FERD3L: variants seen among roughly 807,000 people sequenced by gnomAD.
FERD3L encodes fer3-like protein.
In FERD3L, 7 loss-of-function variants were observed where a neutral mutation model predicts 7.5. The ratio of observed to expected loss-of-function variants is 0.94; its 90% CI spans 0.53 to 1.76. FERD3L has a LOEUF of 1.76. FERD3L is among the 40% of genes most tolerant of loss of function. FERD3L has a pLI of 0.00. For synonymous variants in FERD3L, 122 were observed against 94.4 expected (o/e 1.29, Z -1.70); for missense variants, 264 against 220.9 (o/e 1.20, Z -1.24).
In FERD3L at chr7:19,144,815, C is replaced by T. The variant is rs1788952851; in HGVS notation, c.*47G>A. The T allele has an allele frequency of 6.3e-7, 1 of 1,590,654 alleles. No homozygotes were observed. The highest frequency in any genetic ancestry group is 8.6e-7 in the Non-Finnish European group (1 of 1,165,724). ...CCTCACCCAGTGCCCGGTCCTGACA[C>T]ACCCCAGCACTACCAGACGAGGAAG... On this transcript the variant is annotated 3_prime_UTR_variant, in exon 1 of 1. Coordinates refer to ENST00000275461, the MANE Select transcript of FERD3L (RefSeq NM_152898.2).
rs1476584379 is a variant in FERD3L, at chr7:19,145,282, G to A, written c.81C>T (p.Arg27=). ...VADLSLASPR[R]PLLCDFAPGV... ...CGGGTGCGAAGTCGCAGAGGAGAGG[G>A]CGTCTCGGGGAGGCCAGGGACAGGT... Residue 27 remains arginine, a synonymous_variant, in exon 1 of 1, where the codon CGC becomes CGT. Transcript: ENST00000275461. 1.2e-6 allele frequency: 2 copies of A among 1,613,356 alleles called. No individual in the cohort carries two copies. Among genetic ancestry groups the A allele is most frequent in the East Asian group, 2.2e-5 (1 of 44,856 alleles).
In FERD3L at chr7:19,145,231, A is replaced by C. The variant is rs1248947956; in HGVS notation, c.132T>G (p.Leu44=). 2 of 1,613,794 alleles carry C rather than the reference A, an allele frequency of 1.2e-6. No homozygotes were observed. The highest frequency in any genetic ancestry group is 2.2e-5 in the East Asian group (1 of 44,834). The part of the protein sequence containing the change: ...APGVSLGDPA[L]ALREGRPRRM... ...TCCTGGGTCTTCCCTCTCGGAGCGCAAGGGCTGGGTCCCCCAAGGAGACCC... is the reference window on the plus strand; with the variant it reads ...TCCTGGGTCTTCCCTCTCGGAGCGCCAGGGCTGGGTCCCCCAAGGAGACCC... The change falls in exon 1 of 1, where the codon CTT becomes CTG. Residue 44 remains leucine, a synonymous_variant. Coordinates refer to ENST00000275461, the MANE Select transcript of FERD3L (RefSeq NM_152898.2).
In FERD3L at chr7:19,144,895, G is replaced by C. The variant is rs772824574; in HGVS notation, c.468C>G (p.Leu156=). The C allele has an allele frequency of 6.2e-6, 10 of 1,614,124 alleles. No homozygotes were observed. The East Asian group carries it at 6.7e-5, about 11-fold the overall frequency. The change falls in exon 1 of 1, where the codon CTC becomes CTG. Residue 156 remains leucine, a synonymous_variant. Transcript: ENST00000275461. The part of the protein sequence containing the change: ...AIVYISFMTE[L]LESCEKKESG Reference sequence around the variant, plus strand: ...TTTCCTTCTTCTCACAGCTCTCCAAGAGCTCGGTCATGAAGGAGATATAGA... The same window carrying C: ...TTTCCTTCTTCTCACAGCTCTCCAACAGCTCGGTCATGAAGGAGATATAGA...
chr7:19,145,006 C>T lies in FERD3L; in HGVS notation c.357G>A (p.Glu119=), dbSNP rs1402232649. The change falls in exon 1 of 1, where the codon GAG becomes GAA. Residue 119 remains glutamate, a synonymous_variant. Coordinates refer to ENST00000275461, the MANE Select transcript of FERD3L (RefSeq NM_152898.2). ...CCTTCCTCCGCAGCTGGTCAAAGGC[C>T]TCGTTGAGGTTGAACATCCGCTTCC... ...RERKRMFNLN[E]AFDQLRRKVP... is the part of the protein sequence containing the mutation. 6.2e-7 allele frequency: 1 copy of T among 1,614,202 alleles called. No individual in the cohort carries two copies. Among genetic ancestry groups the T allele is most frequent in the South Asian group, 1.1e-5 (1 of 91,078 alleles).
chr7:19,144,787 T>C lies in FERD3L; in HGVS notation c.*75A>G. 6.4e-7 allele frequency: 1 copy of C among 1,552,648 alleles called. No homozygotes were observed. Among genetic ancestry groups the C allele is most frequent in the East Asian group, 2.3e-5 (1 of 44,180 alleles). On this transcript the variant is annotated 3_prime_UTR_variant, in exon 1 of 1. Coordinates refer to ENST00000275461, the MANE Select transcript of FERD3L (RefSeq NM_152898.2). ...TCTTGGGGCCTCCCTCCCGGCCCTT[T>C]AGCCTCACCCAGTGCCCGGTCCTGA...
rs746730187 is a variant in FERD3L at position 19,145,378 on chromosome 7, C to T, written c.-16G>A. The T allele has an allele frequency of 1.3e-6, 2 of 1,565,118 alleles. No homozygotes were observed. ...AGGCCGCCATCGCTTCGGCTTGGCCCTGCCTCTCATCGGTTTTCCGCAGGG... is the reference window on the plus strand; with the variant it reads ...AGGCCGCCATCGCTTCGGCTTGGCCTTGCCTCTCATCGGTTTTCCGCAGGG... On this transcript the variant is annotated 5_prime_UTR_variant, in exon 1 of 1. Coordinates refer to ENST00000275461, the MANE Select transcript of FERD3L (RefSeq NM_152898.2).
rs779493637 is a variant in FERD3L, at chr7:19,145,363, C to T, written c.-1G>A. The T allele has an allele frequency of 6.3e-7, 1 of 1,576,686 alleles. No individual in the cohort carries two copies. The highest frequency in any genetic ancestry group is 8.6e-7 in the Non-Finnish European group (1 of 1,157,690). On this transcript the variant is annotated 5_prime_UTR_variant, in exon 1 of 1. Transcript: ENST00000275461. ...CGCAGCTCTCCGGATAGGCCGCCAT[C>T]GCTTCGGCTTGGCCCTGCCTCTCAT... is the stretch of plus-strand genomic sequence containing the variant.
Position 19,145,228 on chromosome 7 carries a change from C to G in FERD3L, c.135G>C (p.Ala45=). 6.2e-7 allele frequency: 1 copy of G among 1,614,106 alleles called. No homozygotes were observed. The highest frequency in any genetic ancestry group is 1.1e-5 in the South Asian group (1 of 91,084). The stretch of plus-strand genomic sequence containing the variant: ...TCCTCCTGGGTCTTCCCTCTCGGAG[C>G]GCAAGGGCTGGGTCCCCCAAGGAGA... ...PGVSLGDPAL[A]LREGRPRRMA... Residue 45 remains alanine, a synonymous_variant, in exon 1 of 1, where the codon GCG becomes GCC. Coordinates refer to ENST00000275461, the MANE Select transcript of FERD3L (RefSeq NM_152898.2).
Position 19,145,374 on chromosome 7 carries a change from G to A in FERD3L, c.-12C>T. The A allele has an allele frequency of 6.4e-7, 1 of 1,567,310 alleles. No individual in the cohort carries two copies. Among genetic ancestry groups the A allele is most frequent in the Non-Finnish European group, 8.7e-7 (1 of 1,153,994 alleles). On this transcript the variant is annotated 5_prime_UTR_variant, in exon 1 of 1. Transcript: ENST00000275461. Reference sequence around the variant, plus strand: ...GGATAGGCCGCCATCGCTTCGGCTTGGCCCTGCCTCTCATCGGTTTTCCGC... The same window carrying A: ...GGATAGGCCGCCATCGCTTCGGCTTAGCCCTGCCTCTCATCGGTTTTCCGC...
rs768911386 is a variant in FERD3L, at chr7:19,145,408, G to A, written c.-46C>T. 6.5e-7 allele frequency: 1 copy of A among 1,531,434 alleles called. No individual in the cohort carries two copies. Among genetic ancestry groups the A allele is most frequent in the Non-Finnish European group, 8.8e-7 (1 of 1,140,392 alleles). The allele number at this position is 1,531,434 out of a possible 1,614,324, so 94.9% of individuals were successfully genotyped here. ...TCTCATCGGTTTTCCGCAGGGAGGG[G>A]CGAGGTTGCTGGTGGGGATTCTTAA... On this transcript the variant is annotated 5_prime_UTR_variant, in exon 1 of 1. Coordinates refer to ENST00000275461, the MANE Select transcript of FERD3L (RefSeq NM_152898.2).
Position 19,145,348 on chromosome 7 carries a change from C to CGGATAGG in FERD3L, c.8_14dup (p.Glu6LeufsTer55). 1 of 1,582,144 alleles carries CGGATAGG rather than the reference C, an allele frequency of 6.3e-7. No individual in the cohort carries two copies. The highest frequency in any genetic ancestry group is 1.7e-5 in the Admixed American group (1 of 59,206). ...GCACCGTAGTGTCCACGCAGCTCTC[C>CGGATAGG]GGATAGGCCGCCATCGCTTCGGCTT... On this transcript the variant is annotated frameshift_variant, in exon 1 of 1. Transcript: ENST00000275461. LOFTEE classifies it high-confidence loss of function.
In FERD3L at chr7:19,145,231, A is replaced by G; in HGVS notation, c.132T>C (p.Leu44=). ...TCCTGGGTCTTCCCTCTCGGAGCGC[A>G]AGGGCTGGGTCCCCCAAGGAGACCC... The part of the protein sequence containing the change: ...APGVSLGDPA[L]ALREGRPRRM... Residue 44 remains leucine (L), a synonymous_variant, in exon 1 of 1, where the codon CTT becomes CTC. Transcript: ENST00000275461. The G allele has an allele frequency of 6.2e-7, 1 of 1,613,912 alleles. No homozygotes were observed.
In FERD3L at chr7:19,145,162, G is replaced by A; in HGVS notation, c.201C>T (p.Cys67=). The A allele has an allele frequency of 1.2e-6, 2 of 1,613,406 alleles. No homozygotes were observed. Among genetic ancestry groups the A allele is most frequent in the South Asian group, 1.1e-5 (1 of 91,036 alleles). Residue 67 remains cysteine (C), a synonymous_variant, in exon 1 of 1, where the codon TGC becomes TGT. Transcript: ENST00000275461. ...FEEGDPEEEE[C]EVDQGDGEEE... ...CTTCTCCGTCCCCCTGGTCCACTTC[G>A]CACTCCTCTTCTTCTGGGTCCCCCT...
Position 19,144,914 on chromosome 7 carries a change from A to G in FERD3L, c.449T>C (p.Ile150Thr). ...CTCCAAGAGCTCGGTCATGAAGGAG[A>G]TATAGACGATGGCCAGGCGGAGGGT... ...IETLRLAIVY[I>T]SFMTELLESC... Residue 150 changes from isoleucine to threonine, a missense_variant, in exon 1 of 1, where the codon ATC (isoleucine) becomes ACC (threonine). Coordinates refer to ENST00000275461, the MANE Select transcript of FERD3L (RefSeq NM_152898.2). 6.2e-7 allele frequency: 1 copy of G among 1,614,068 alleles called. No homozygotes were observed. The highest frequency in any genetic ancestry group is 8.5e-7 in the Non-Finnish European group (1 of 1,180,008).
chr7:19,145,026 G>T lies in FERD3L; in HGVS notation c.337C>A (p.Arg113=), dbSNP rs748482301. 1 of 1,614,052 alleles carries T rather than the reference G, an allele frequency of 6.2e-7. No homozygotes were observed. The highest frequency in any genetic ancestry group is 1.3e-5 in the African/African-American group (1 of 74,912). Residue 113 remains arginine (R), a synonymous_variant, in exon 1 of 1, where the codon CGG becomes AGG. Coordinates refer to ENST00000275461, the MANE Select transcript of FERD3L (RefSeq NM_152898.2). ...AAGGCCTCGTTGAGGTTGAACATCCGCTTCCTTTCGCGGATGTTGGCGGCC... is the reference window on the plus strand; with the variant it reads ...AAGGCCTCGTTGAGGTTGAACATCCTCTTCCTTTCGCGGATGTTGGCGGCC... ...RQAANIRERK[R]MFNLNEAFDQ...
rs779493637 is a variant in FERD3L, at chr7:19,145,363, C to G, written c.-1G>C. 198 of 1,576,686 alleles carry G rather than the reference C, an allele frequency of 1.3e-4. No homozygotes were observed. Among genetic ancestry groups the G allele is most frequent in the Middle Eastern group, 3.6e-4 (2 of 5,548 alleles). On this transcript the variant is annotated 5_prime_UTR_variant, in exon 1 of 1. Transcript: ENST00000275461. ...CGCAGCTCTCCGGATAGGCCGCCATCGCTTCGGCTTGGCCCTGCCTCTCAT... is the reference window on the plus strand; with the variant it reads ...CGCAGCTCTCCGGATAGGCCGCCATGGCTTCGGCTTGGCCCTGCCTCTCAT...
chr7:19,145,409 C>A lies in FERD3L; in HGVS notation c.-47G>T. The A allele has an allele frequency of 6.5e-7, 1 of 1,527,332 alleles. No individual in the cohort carries two copies. Among genetic ancestry groups the A allele is most frequent in the South Asian group, 1.2e-5 (1 of 80,918 alleles). The allele number at this position is 1,527,332 out of a possible 1,614,324, so 94.6% of individuals were successfully genotyped here. On this transcript the variant is annotated 5_prime_UTR_variant, in exon 1 of 1. Coordinates refer to ENST00000275461, the MANE Select transcript of FERD3L (RefSeq NM_152898.2). ...CTCATCGGTTTTCCGCAGGGAGGGGCGAGGTTGCTGGTGGGGATTCTTAAC... is the reference window on the plus strand; with the variant it reads ...CTCATCGGTTTTCCGCAGGGAGGGGAGAGGTTGCTGGTGGGGATTCTTAAC...
Position 19,145,306 on chromosome 7 carries a change from G to T in FERD3L, c.57C>A (p.Asp19Glu). ...VDTTVLDFVA[D>E]LSLASPRRPL... The stretch of plus-strand genomic sequence containing the variant: ...GGCGTCTCGGGGAGGCCAGGGACAG[G>T]TCTGCGACGAAGTCCAGCACCGTAG... The change falls in exon 1 of 1, where the codon GAC becomes GAA. Residue 19 changes from aspartate to glutamate, a missense_variant. Coordinates refer to ENST00000275461, the MANE Select transcript of FERD3L (RefSeq NM_152898.2). 1 of 1,611,344 alleles carries T rather than the reference G, an allele frequency of 6.2e-7. No homozygotes were observed. Among genetic ancestry groups the T allele is most frequent in the Non-Finnish European group, 8.5e-7 (1 of 1,179,490 alleles).
In FERD3L at chr7:19,145,088, G is replaced by C. The variant is rs202202177; in HGVS notation, c.275C>G (p.Pro92Arg). The C allele has an allele frequency of 1.2e-6, 2 of 1,613,912 alleles. No homozygotes were observed. Among genetic ancestry groups the C allele is most frequent in the East Asian group, 4.5e-5 (2 of 44,808 alleles). Residue 92 changes from proline to arginine, a missense_variant, in exon 1 of 1, where the codon CCC becomes CGC. Physicochemically the swap from Pro to Arg is moderately radical, Grantham distance 103. Transcript: ENST00000275461. ...RGRGVSLLGR[P>R]KRKRVITYAQ... ...GTAGGTGATCACCCTTTTCCTCTTG[G>C]GGCGGCCTAATAGGGAGACACCTCT...
Sources: allele counts gnomAD v4.1 joint callset, GRCh38; gene constraint gnomAD v4.1.1; transcripts MANE v1.5; gene names NCBI Gene and HGNC (gene_info 2026-07-23, HGNC 2026-07-21).